Variants in ADAMTSL1 observed in about 807,000 individuals in gnomAD.
The protein encoded by ADAMTSL1 is ADAMTS-like protein 1.
A neutral mutation model predicts 201.8 loss-of-function variants in ADAMTSL1; 126 were observed. The ratio of observed to expected loss-of-function variants is 0.62; its 90% CI spans 0.54 to 0.72. ADAMTSL1 has a LOEUF of 0.72. ADAMTSL1 is among the 30% of genes least tolerant of loss of function. ADAMTSL1 has a pLI of 0.00. For synonymous variants in ADAMTSL1, 1,121 were observed against 903.4 expected, an observed-to-expected ratio of 1.24 and a Z score of -4.32; for missense variants, 2,679 against 2,277.8, an observed-to-expected ratio of 1.18 and a Z score of -3.59.
At chr9:18,020,218 G>C (rs140691643) in intron 1 of ADAMTSL1, among the ~76,000 whole-genome samples, 2 of 152,152 alleles carry the variant, frequency 1.3e-5, no homozygotes, top group Non-Finnish European at 1.5e-5. Flanking sequence ...TTGGGGAGGG[G>C]ACAGGCAGTT....
intron 3 of ADAMTSL1, among the ~76,000 whole-genome samples, chr9:18,550,472 G>A (rs77318616): frequency 0.013 from 1,921 of 151,982 alleles, 46 homozygotes; most frequent in African/African-American, 0.044. Context: ...GGCAAGAACC[G>A]CAGAGAAGTT....
rs980629040 is a variant in ADAMTSL1, at chr9:18,462,900, C to G, written c.208-41929C>G. 2.6e-5 allele frequency among the ~76,000 whole-genome samples: 4 copies of G among 151,806 alleles called. No individual in the cohort carries two copies. The East Asian group carries it at 5.8e-4, about 22-fold the overall frequency. ...GTTGCAGTGAGCCGAGGGAGCACCA[C>G]TGCACTCCAGCCTGGGCGACAGAGT... On this transcript the variant is annotated intron_variant, in intron 2 of 29. Coordinates refer to the ADAMTSL1 transcript ENST00000680146.
At chr9:18,615,680 C>G (rs1045161449) in intron 4 of ADAMTSL1, among the ~76,000 whole-genome samples, 1 of 152,182 alleles carries the variant, frequency 6.6e-6, no homozygotes, top group African/African-American at 2.4e-5. Context: ...TCATTCAAAT[C>G]TTAAGTTAAA....
At chr9:18,765,253 T>C (rs1820293782) in intron 16 of ADAMTSL1, among the ~76,000 whole-genome samples, 1 of 152,210 alleles carries the variant, frequency 6.6e-6, no homozygotes, top group Non-Finnish European at 1.5e-5. Flanking sequence ...TCCTACAAAT[T>C]CAGCATCACT....
intron 2 of ADAMTSL1, among the ~76,000 whole-genome samples, chr9:18,351,512 A>G (rs955116028): frequency 2.0e-5 from 3 of 152,038 alleles, no homozygotes; most frequent in African/African-American, 4.8e-5. Context: ...GCATGTAATA[A>G]TGCCTATTTC....
At chr9:18,769,831 G>C (rs1820585323) in intron 16 of ADAMTSL1, among the ~76,000 whole-genome samples, 1 of 152,196 alleles carries the variant, frequency 6.6e-6, no homozygotes, top group South Asian at 2.1e-4. Flanking sequence ...GGTATGCCCA[G>C]TGAAAAGCTG....
At chr9:18,754,790 A>T (rs1387547675) in intron 16 of ADAMTSL1, among the ~76,000 whole-genome samples, 1 of 152,150 alleles carries the variant, frequency 6.6e-6, no homozygotes, top group African/African-American at 2.4e-5. Context: ...TTAAATATAT[A>T]TTTTCTTTTA....
intron 21 of ADAMTSL1, among the ~76,000 whole-genome samples, chr9:18,821,053 T>C (rs543486497): frequency 6.6e-6 from 1 of 152,138 alleles, no homozygotes; most frequent in East Asian, 1.9e-4. Context: ...CATGTTCTCA[T>C]AGATTATGGT....
At chr9:18,043,901 T>G (rs2131641813) in intron 1 of ADAMTSL1, among the ~76,000 whole-genome samples, 1 of 150,798 alleles carries the variant, frequency 6.6e-6, no homozygotes, top group South Asian at 2.1e-4. Flanking sequence ...ATCCTCTTTC[T>G]TCATTCCCCT....
At chr9:18,137,540 T>C (rs1348719577) in intron 1 of ADAMTSL1, among the ~76,000 whole-genome samples, 2 of 152,162 alleles carry the variant, frequency 1.3e-5, no homozygotes, top group African/African-American at 2.4e-5. Context: ...GTAGTTGCTG[T>C]CCAGTAATAA....
intron 1 of ADAMTSL1, among the ~76,000 whole-genome samples, chr9:17,921,492 T>C (rs2131293621): frequency 6.6e-6 from 1 of 152,346 alleles, no homozygotes. Flanking sequence ...AGCAGACATT[T>C]GGGAGAGAAA....
intron 6 of ADAMTSL1, among the ~76,000 whole-genome samples, chr9:18,638,260 C>T (rs569604752): frequency 5.3e-5 from 8 of 152,152 alleles, no homozygotes; most frequent in Non-Finnish European, 8.8e-5. Context: ...ACCCCCTCTA[C>T]AATAATGTAA....
chr9:18,272,683 T>C (rs1285869758), intron 2 of ADAMTSL1, among the ~76,000 whole-genome samples: 3 of 152,212 alleles, frequency 2.0e-5, no homozygotes, highest in Non-Finnish European at 4.4e-5. Context: ...GATACTGACC[T>C]ATTCCTACCT....
At position 18,152,692 on chromosome 9, in the gene ADAMTSL1, C is replaced by T. The variant is rs1166716620; in HGVS notation, c.88-11170C>T. Reference sequence around the variant, plus strand: ...TCATAAGAGGGTGATGACTGAGGGCCAGTGGGTGGAAGACGAGCCTTGGTG... The same window carrying T: ...TCATAAGAGGGTGATGACTGAGGGCTAGTGGGTGGAAGACGAGCCTTGGTG... On this transcript the variant is annotated intron_variant, in intron 1 of 29. Transcript: ENST00000680146. Among the ~76,000 whole-genome samples, 6 of 151,820 alleles carry T rather than the reference C, an allele frequency of 4.0e-5. 1 individual carries two copies. The South Asian group carries it at 1.2e-3, about 32-fold the overall frequency.
At position 18,721,495 on chromosome 9, in the gene ADAMTSL1, C is replaced by T. The variant is rs758845180; in HGVS notation, c.1877-41C>T. ...CACTTCATCACCCCCCACACACACA[C>T]CCACTTTGCACTCTGGCCTGACCGT... On this transcript the variant is annotated intron_variant, in intron 14 of 28. Coordinates refer to ENST00000380548, the MANE Select transcript of ADAMTSL1 (RefSeq NM_001040272.6). 5.0e-6 allele frequency: 8 copies of T among 1,606,840 alleles called. No individual in the cohort carries two copies. The Admixed American group carries it at 5.0e-5, about 10-fold the overall frequency.
At chr9:18,681,595 G>A (rs1830473069) in intron 11 of ADAMTSL1, 1 of 369,188 alleles carries the variant, frequency 2.7e-6, no homozygotes, top group Non-Finnish European at 4.9e-6. Flanking sequence ...CTATGGAATT[G>A]AAAGTGATTT....
chr9:17,913,642 G>T (rs1825975014), intron 1 of ADAMTSL1, among the ~76,000 whole-genome samples: 1 of 152,138 alleles, frequency 6.6e-6, no homozygotes, highest in Admixed American at 6.5e-5. Context: ...ATATTCAAAA[G>T]CTAGCAGAAG....
chr9:18,264,170 C>G (rs1314768435), intron 2 of ADAMTSL1, among the ~76,000 whole-genome samples: 2 of 152,128 alleles, frequency 1.3e-5, no homozygotes, highest in Non-Finnish European at 2.9e-5. Context: ...TAATGACCTA[C>G]TCAATCCAGT....
At chr9:18,283,886 C>G (rs1026042224) in intron 2 of ADAMTSL1, among the ~76,000 whole-genome samples, 79 of 121,834 alleles carry the variant, frequency 6.5e-4, no homozygotes, top group African/African-American at 2.3e-3. Flanking sequence ...CCACTGCACT[C>G]TAGCCTGGGC....
Sources: gnomAD v4.1 joint callset for allele counts (sites outside exome capture counted in the v4.1 genomes callset) on GRCh38, gnomAD v4.1.1 for gene constraint, MANE v1.5 for transcripts, NCBI Gene and HGNC (gene_info 2026-07-23, HGNC 2026-07-21) for gene names.